The following CFAP46 variants were observed in gnomAD, a reference collection of about 807,000 sequenced individuals.
CFAP46 encodes cilia and flagella associated protein 46, also known as cilia- and flagella-associated protein 46.
Under a neutral mutation model 325.7 loss-of-function variants are expected in CFAP46, and 245 were observed. That is an observed-to-expected ratio of 0.75 (90% CI 0.68 to 0.84). CFAP46 has a LOEUF of 0.84. CFAP46 is among the 40% of genes least tolerant of loss of function. CFAP46 has a pLI of 0.00. For synonymous variants in CFAP46, 1,523 were observed against 1,495.9 expected, an observed-to-expected ratio of 1.02 and a Z score of -0.42; for missense variants, 3,346 against 3,543.0, an observed-to-expected ratio of 0.94 and a Z score of 1.41.
chr10:132,892,732 C>T (rs576290543), intron 24 of CFAP46, among the ~76,000 whole-genome samples: 1 of 152,322 alleles, frequency 6.6e-6, no homozygotes, highest in East Asian at 1.9e-4. Context: ...CGTTCAGCGC[C>T]GCTTGAATCG....
At chr10:132,922,308 G>C in intron 12 of CFAP46, 84 bp from the exon 13 acceptor site, 3 of 1,498,408 alleles carry the variant, frequency 2.0e-6, no homozygotes, top group Non-Finnish European at 2.7e-6. Context: ...CCTGGCCTTT[G>C]GCAGGGGCCT....
intron 34 of CFAP46, among the ~76,000 whole-genome samples, chr10:132,866,520 GAAC>G (rs1374852357): frequency 6.6e-6 from 1 of 152,196 alleles, no homozygotes; most frequent in African/African-American, 2.4e-5. Context: ...TCGTGGTGCC[GAAC>G]AACCCTGGGA....
intron 54 of CFAP46, 70 bp from the exon 55 acceptor site, chr10:132,812,967 A>C (rs61860849): frequency 0.056 from 69,839 of 1,244,340 alleles, 2,152 homozygotes; most frequent in African/African-American, 0.077. Context: ...TGCGTTCTTA[A>C]AGCAGGCCAC....
intron 37 of CFAP46, among the ~76,000 whole-genome samples, chr10:132,860,067 C>T (rs887482930): frequency 3.9e-5 from 6 of 152,192 alleles, no homozygotes; most frequent in Non-Finnish European, 4.4e-5. Context: ...GCGTGCCTGC[C>T]GCAAGGGTTT....
chr10:132,869,326 G>A lies in CFAP46; in HGVS notation c.4558C>T (p.Arg1520Cys), dbSNP rs767847316. 107 of 1,539,244 alleles carry A rather than the reference G, an allele frequency of 7.0e-5. No individual in the cohort carries two copies. Among genetic ancestry groups the A allele is most frequent in the Admixed American group, 4.3e-4 (22 of 50,836 alleles). ...SELKLREAAA[R>C]HEEAVGQVCV... is the part of the protein sequence containing the mutation. ...ACCTGCCCGACCGCCTCTTCATGGC[G>A]CGCGGCTGCTTCTCTCAGCTTCAGC... The change falls in exon 33 of 58, where the codon CGC (arginine) becomes TGC (cysteine). Residue 1520 changes from arginine to cysteine, a missense_variant. Transcript: ENST00000368586. This position sits in a 1 kb window ranked among gnomAD's most constrained non-coding sequence, Gnocchi z 6.2.
Position 132,860,790 on chromosome 10 carries a change from C to T in CFAP46, c.5083G>A (p.Glu1695Lys). 2 of 1,550,952 alleles carry T rather than the reference C, an allele frequency of 1.3e-6. No homozygotes were observed. The highest frequency in any genetic ancestry group is 1.7e-6 in the Non-Finnish European group (2 of 1,147,060). Residue 1695 changes from glutamate to lysine, a missense_variant, in exon 36 of 58, where the codon GAA (glutamate) becomes AAA (lysine). Transcript: ENST00000368586. Reference protein sequence around the residue: ...ALLSMEHSGREATVCHIFQKL... With the variant: ...ALLSMEHSGRKATVCHIFQKL... ...GTCCCCGTGCCTCTTACCGTAGCTT[C>T]CCTTCCTGAGTGTTCCATGGACAAG...
chr10:132,887,125 C>CTG (rs1345337012), intron 25 of CFAP46, among the ~76,000 whole-genome samples: 6 of 143,658 alleles, frequency 4.2e-5, no homozygotes, highest in African/African-American at 1.3e-4. Flanking sequence ...CTCTCTCTCT[C>CTG]CTCTCCTCTG....
Position 132,857,622 on chromosome 10 carries a change from G to A in CFAP46, c.5542C>T (p.His1848Tyr), listed in dbSNP as rs1450673784. The change falls in exon 39 of 58, where the codon CAC becomes TAC. Residue 1848 changes from histidine to tyrosine, a missense_variant. His to Tyr is a moderately conservative substitution (Grantham distance 83, BLOSUM62 2). Coordinates refer to ENST00000368586, the MANE Select transcript of CFAP46 (RefSeq NM_001200049.3). ...GAMAEEEGRL[H>Y]SVQGLLSLQD... ...AGTGACAATAGGCCCTGGACGCTGT[G>A]AAGCCTCCCTTCTTCCTCAGCCATG... 3.6e-5 allele frequency: 58 copies of A among 1,612,866 alleles called. No individual in the cohort carries two copies. The highest frequency in any genetic ancestry group is 4.8e-5 in the Non-Finnish European group (57 of 1,179,490).
intron 24 of CFAP46, among the ~76,000 whole-genome samples, chr10:132,893,267 G>A (rs2135449124): frequency 6.6e-6 from 1 of 152,364 alleles, no homozygotes; most frequent in South Asian, 2.1e-4. Flanking sequence ...CACTGCAAGG[G>A]AAGCATCTGG....
At position 132,908,571 on chromosome 10, in the gene CFAP46, G is replaced by A. The variant is rs754977477; in HGVS notation, c.2821C>T (p.Arg941Trp). The A allele has an allele frequency of 3.7e-5, 58 of 1,550,120 alleles. No individual in the cohort carries two copies. Among genetic ancestry groups the A allele is most frequent in the African/African-American group, 1.1e-4 (8 of 73,050 alleles). The change falls in exon 22 of 58, where the codon CGG becomes TGG. Residue 941 changes from arginine to tryptophan, a missense_variant. Physicochemically the swap from Arg to Trp is moderately radical, Grantham distance 101 (BLOSUM62 -3). Transcript: ENST00000368586. ...DPLVELQTLT[R>W]LTHFAHAARD... is the part of the protein sequence containing the mutation. ...GCTGCATGGGCGAAGTGGGTCAGCC[G>A]CGTCAGGGTCTGCAGCTCCACCAGG...
chr10:132,809,908 C>T (rs756441957), intron 57 of CFAP46, among the ~76,000 whole-genome samples: 1 of 152,204 alleles, frequency 6.6e-6, no homozygotes, highest in African/African-American at 2.4e-5. Context: ...GGGAGACACC[C>T]CTCAACCCAT....
intron 31 of CFAP46, among the ~76,000 whole-genome samples, chr10:132,874,864 A>C (rs1192012315): frequency 1.3e-5 from 2 of 152,248 alleles, no homozygotes; most frequent in African/African-American, 4.8e-5. Flanking sequence ...GTGCAACATA[A>C]AAATAGATGT....
In CFAP46 at chr10:132,839,092, C is replaced by T. The variant is rs190894119; in HGVS notation, c.6439-2178G>A. Among the ~76,000 whole-genome samples, 9 of 152,366 alleles carry T rather than the reference C, an allele frequency of 5.9e-5. No individual in the cohort carries two copies. The East Asian group carries it at 1.7e-3, about 29-fold the overall frequency. On this transcript the variant is annotated intron_variant, in intron 44 of 57. Coordinates refer to ENST00000368586, the MANE Select transcript of CFAP46 (RefSeq NM_001200049.3). ...CTGAAAAGGGACCTACACCCTTCAT[C>T]CATGTGGGACACACATGTGTCGGCA...
In CFAP46 at chr10:132,910,013, G is replaced by T; in HGVS notation, c.2555C>A (p.Pro852His). Reference sequence around the variant, plus strand: ...GATAAGCTGCTGCCGGGTGCCGGTGGGCACCGTCTCCTCGGGCGCACTCCC... The same window carrying T: ...GATAAGCTGCTGCCGGGTGCCGGTGTGCACCGTCTCCTCGGGCGCACTCCC... Reference protein sequence around the residue: ...TNGSAPEETVPTGTRQQLIAT... With the variant: ...TNGSAPEETVHTGTRQQLIAT... The change falls in exon 20 of 58, where the codon CCC becomes CAC. Residue 852 changes from proline to histidine, a missense_variant. Coordinates refer to ENST00000368586, the MANE Select transcript of CFAP46 (RefSeq NM_001200049.3). 1 of 1,542,170 alleles carries T rather than the reference G, an allele frequency of 6.5e-7. No homozygotes were observed. The highest frequency in any genetic ancestry group is 8.7e-7 in the Non-Finnish European group (1 of 1,143,780).
chr10:132,935,115 T>G (rs1356501003), intron 7 of CFAP46, among the ~76,000 whole-genome samples: 1 of 151,928 alleles, frequency 6.6e-6, no homozygotes, highest in Non-Finnish European at 1.5e-5. Flanking sequence ...CTCGCCAGAG[T>G]CAGCACCCCA....
Position 132,886,361 on chromosome 10 carries a change from C to G in CFAP46, c.3305-402G>C, listed in dbSNP as rs1235014477. ...GAGGACACAGCGCCACGTGCACGCT[C>G]GGGAGTCCTCATGCTTGGTGCCCGC... On this transcript the variant is annotated intron_variant, in intron 25 of 57. Transcript: ENST00000368586. The surrounding 1 kb of genome is among the most constrained non-coding windows in gnomAD (Gnocchi z 5.8). Among the ~76,000 whole-genome samples the G allele has an allele frequency of 6.6e-6, 1 of 152,208 alleles. No individual in the cohort carries two copies. Among genetic ancestry groups the G allele is most frequent in the Non-Finnish European group, 1.5e-5 (1 of 68,028 alleles).
At chr10:132,835,854 T>G in intron 46 of CFAP46, among the ~76,000 whole-genome samples, 1 of 20,440 alleles carries the variant, frequency 4.9e-5, no homozygotes, top group Admixed American at 5.4e-4. Flanking sequence ...CCCGCTCCCC[T>G]CCCGAAACCA....
chr10:132,885,476 G>T (rs1231629753), intron 26 of CFAP46, among the ~76,000 whole-genome samples, 190 bp from the exon 27 acceptor site: 2 of 152,000 alleles, frequency 1.3e-5, no homozygotes, highest in African/African-American at 4.8e-5. Context: ...GGCTATGCAG[G>T]GTTTTCAGTC....
rs970301725 is a variant in CFAP46 at position 132,886,887 on chromosome 10, G to A, written c.3305-928C>T. Among the ~76,000 whole-genome samples, 16 of 151,976 alleles carry A rather than the reference G, an allele frequency of 1.1e-4. No homozygotes were observed. The highest frequency in any genetic ancestry group is 2.9e-4 in the African/African-American group (12 of 41,410). On this transcript the variant is annotated intron_variant, in intron 25 of 57. Transcript: ENST00000368586. The surrounding 1 kb of genome is among the most constrained non-coding windows in gnomAD (Gnocchi z 5.8). ...TAGAATGCTGACGCGTCCCCTCCCC[G>A]TCATGGGCGCTGCCCAGCCCAGCCT...
Sources: gnomAD v4.1 joint callset for allele counts (sites outside exome capture counted in the v4.1 genomes callset) on GRCh38, gnomAD v4.1.1 for gene constraint, Gnocchi (gnomAD v3.1) non-coding constraint, MANE v1.5 for transcripts, NCBI Gene and HGNC (gene_info 2026-07-23, HGNC 2026-07-21) for gene names.